Variants in ABTB3 observed in about 807,000 individuals in gnomAD.
The protein encoded by ABTB3 is ankyrin repeat- and BTB/POZ domain-containing protein 3.
At chr12:107,594,702 A>G in the ABTB3 span, among the ~76,000 whole-genome samples, 3 of 152,094 alleles carry the variant, frequency 2.0e-5, no homozygotes, top group African/African-American at 7.2e-5. Flanking sequence ...TTCTTGGGAC[A>G]GTGTGTTGAG....
At chr12:107,329,521 C>T in the ABTB3 span, among the ~76,000 whole-genome samples, 2 of 152,254 alleles carry the variant, frequency 1.3e-5, no homozygotes, top group Non-Finnish European at 2.9e-5. Flanking sequence ...GTGCCAGCCT[C>T]CTTGCTGAAA....
chr12:107,388,436 C>G, the ABTB3 span, among the ~76,000 whole-genome samples: 1 of 151,646 alleles, frequency 6.6e-6, no homozygotes, highest in South Asian at 2.1e-4. Flanking sequence ...GCTTCCTTGT[C>G]TTTCTCTTTC....
the ABTB3 span, among the ~76,000 whole-genome samples, chr12:107,632,353 C>T: frequency 3.3e-5 from 5 of 152,196 alleles, no homozygotes; most frequent in Non-Finnish European, 5.9e-5. Context: ...AGCTGATTCA[C>T]CAGCAAGATG....
chr12:107,386,729 G>A, the ABTB3 span, among the ~76,000 whole-genome samples: 16 of 152,234 alleles, frequency 1.1e-4, no homozygotes, highest in South Asian at 1.7e-3. Flanking sequence ...GTCCCTGAGC[G>A]GCTGGCTGCT....
At chr12:107,555,647 C>T in the ABTB3 span, among the ~76,000 whole-genome samples, 4 of 152,194 alleles carry the variant, frequency 2.6e-5, no homozygotes, top group East Asian at 1.9e-4. Context: ...CACCACTAAC[C>T]GTGTGTGGCT....
At chr12:107,597,495 C>T in the ABTB3 span, among the ~76,000 whole-genome samples, 2 of 152,270 alleles carry the variant, frequency 1.3e-5, no homozygotes, top group South Asian at 4.2e-4. Flanking sequence ...ATAACTAGCC[C>T]ACTCCCATGA....
At chr12:107,476,657 A>G in the ABTB3 span, among the ~76,000 whole-genome samples, 319 of 151,924 alleles carry the variant, frequency 2.1e-3, 5 homozygotes, top group African/African-American at 7.4e-3. Context: ...CTTTCAAGAG[A>G]GGCAATGCTG....
At chr12:107,429,531 G>A in the ABTB3 span, among the ~76,000 whole-genome samples, 1 of 152,160 alleles carries the variant, frequency 6.6e-6, no homozygotes, top group East Asian at 1.9e-4. Context: ...CTGGGCTCTT[G>A]GGCATTTGTC....
the ABTB3 span, among the ~76,000 whole-genome samples, chr12:107,548,550 G>A: frequency 6.6e-6 from 1 of 152,124 alleles, no homozygotes; most frequent in Non-Finnish European, 1.5e-5. Flanking sequence ...TTTTGAAGAA[G>A]CTTAGTGCCA....
the ABTB3 span, among the ~76,000 whole-genome samples, chr12:107,420,808 A>C: frequency 2.6e-5 from 4 of 152,162 alleles, no homozygotes; most frequent in Non-Finnish European, 4.4e-5. Context: ...TGGGGATTAA[A>C]AGACCCAGCT....
At chr12:107,627,406 G>C in the ABTB3 span, among the ~76,000 whole-genome samples, 1 of 152,174 alleles carries the variant, frequency 6.6e-6, no homozygotes, top group African/African-American at 2.4e-5. Context: ...CTACTCATCA[G>C]CTCCTGGGAA....
At chr12:107,527,456 G>C in the ABTB3 span, among the ~76,000 whole-genome samples, 1 of 152,164 alleles carries the variant, frequency 6.6e-6, no homozygotes, top group Non-Finnish European at 1.5e-5. Context: ...ATTTTTAGTA[G>C]AGACGGGGTT....
the ABTB3 span, among the ~76,000 whole-genome samples, chr12:107,386,452 G>A: frequency 1.4e-4 from 21 of 152,244 alleles, no homozygotes; most frequent in Admixed American, 8.5e-4. Flanking sequence ...TTTTTGTTAC[G>A]GAATGACTCT....
chr12:107,564,132 G>GTGTA, the ABTB3 span, among the ~76,000 whole-genome samples: 1 of 148,410 alleles, frequency 6.7e-6, no homozygotes, highest in African/African-American at 2.5e-5. Context: ...GTGTGTGTGT[G>GTGTA]TGTGTTTGGC....
the ABTB3 span, among the ~76,000 whole-genome samples, chr12:107,554,744 C>T: frequency 6.6e-6 from 1 of 152,154 alleles, no homozygotes. Context: ...AACAAGCTCC[C>T]AGGTGAGGCT....
chr12:107,638,044 G>C, the ABTB3 span, among the ~76,000 whole-genome samples: 4 of 152,124 alleles, frequency 2.6e-5, no homozygotes, highest in African/African-American at 9.7e-5. Flanking sequence ...CTTCTCCCCT[G>C]CAGCCTCTTT....
At chr12:107,395,912 C>T in the ABTB3 span, among the ~76,000 whole-genome samples, 2 of 152,208 alleles carry the variant, frequency 1.3e-5, no homozygotes, top group East Asian at 1.9e-4. Context: ...CTCATAGTAT[C>T]GTGTGGTGAG....
At chr12:107,561,776 C>T in the ABTB3 span, among the ~76,000 whole-genome samples, 1 of 152,274 alleles carries the variant, frequency 6.6e-6, no homozygotes, top group Admixed American at 6.5e-5. Flanking sequence ...TCTTACTCCC[C>T]CCTCTTACTC....
chr12:107,492,390 C>G, the ABTB3 span, among the ~76,000 whole-genome samples: 1 of 152,148 alleles, frequency 6.6e-6, no homozygotes, highest in African/African-American at 2.4e-5. Context: ...CTCTCCATCT[C>G]GCAGGTAGAT....
Sources: allele counts gnomAD v4.1 joint callset (sites outside exome capture counted in the v4.1 genomes callset), GRCh38; gene constraint gnomAD v4.1.1; transcripts MANE v1.5; gene names NCBI Gene and HGNC (gene_info 2026-07-23, HGNC 2026-07-21).